Variants in FOXO3 observed in about 807,000 individuals in gnomAD.
The protein encoded by FOXO3 is forkhead box O3.
FOXO3 carries 4 observed loss-of-function variants against 41.9 expected under a neutral mutation model. The observed-to-expected ratio is 0.10, with a 90% CI of 0.05 to 0.22. The LOEUF (loss-of-function observed/expected upper bound fraction) is 0.22, where lower values mean the gene tolerates loss of function less well. Among genes scored for constraint, FOXO3 ranks in the 10% least tolerant of loss-of-function variants. The probability of loss-of-function intolerance (pLI) is 1.00; values close to 1 mark genes in which losing one functional copy is unlikely to be tolerated. For missense variants in FOXO3, 534 were observed against 906.8 expected, an observed-to-expected ratio of 0.59 and a Z score of 5.28; for synonymous variants, 318 against 389.3, an observed-to-expected ratio of 0.82 and a Z score of 2.16.
At position 108,568,460 on chromosome 6, in the gene FOXO3, G is replaced by A. The variant is rs576679546; in HGVS notation, c.621+6631G>A. On this transcript the variant is annotated intron_variant, in intron 1 of 2. Transcript: ENST00000406360. ...CTTGCTAAATGCCTTTTCTTTCAAC[G>A]CCACCTTACCCTGCCCACCCCATGG... Among the ~76,000 whole-genome samples the A allele has an allele frequency of 3.3e-5, 5 of 151,898 alleles. No homozygotes were observed. In the South Asian group the frequency reaches 8.3e-4, roughly 25 times the overall value.
chr6:108,589,651 G>GC lies in FOXO3; in HGVS notation c.621+27823dup, dbSNP rs1000503093. 1.7e-4 allele frequency among the ~76,000 whole-genome samples: 26 copies of GC among 152,206 alleles called. 1 individual carries two copies. Among genetic ancestry groups the GC allele is most frequent in the Non-Finnish European group, 4.4e-5 (3 of 68,034 alleles). On this transcript the variant is annotated intron_variant, in intron 1 of 2. Transcript: ENST00000406360. ...ACCTTAGCTTTAGTTGCCATTAAGAGCAGGAGGAGGAGTTAGGCAGGGGTG... is the reference window on the plus strand; with the variant it reads ...ACCTTAGCTTTAGTTGCCATTAAGAGCCAGGAGGAGGAGTTAGGCAGGGGTG...
chr6:108,655,992 G>T (rs1421441680), intron 1 of FOXO3, among the ~76,000 whole-genome samples: 4 of 152,136 alleles, frequency 2.6e-5, no homozygotes, highest in Admixed American at 2.0e-4. Flanking sequence ...GTCCTTTCCA[G>T]TGCTTTCCCC....
chr6:108,569,590 A>G (rs959497095), intron 1 of FOXO3, among the ~76,000 whole-genome samples: 2 of 152,194 alleles, frequency 1.3e-5, no homozygotes, highest in Admixed American at 1.3e-4. Flanking sequence ...GGAATAACAT[A>G]ATAAGCGAAG....
chr6:108,667,956 G>A (rs141011517), intron 2 of FOXO3, among the ~76,000 whole-genome samples: 316 of 152,306 alleles, frequency 2.1e-3, no homozygotes, highest in African/African-American at 7.2e-3. Flanking sequence ...AGGAGCACAT[G>A]CAACCTGAAG....
chr6:108,679,424 T>A (rs1311895191), intron 2 of FOXO3, among the ~76,000 whole-genome samples: 4 of 152,054 alleles, frequency 2.6e-5, no homozygotes, highest in Non-Finnish European at 4.4e-5. Context: ...GCTCTCCTTG[T>A]TTTAGCATGG....
chr6:108,566,472 C>T (rs1296088609), intron 1 of FOXO3, among the ~76,000 whole-genome samples: 3 of 152,136 alleles, frequency 2.0e-5, no homozygotes, highest in Non-Finnish European at 4.4e-5. Context: ...AAAAGTTTAC[C>T]ATCCATTCAA....
rs577812585 is a variant in FOXO3, at chr6:108,635,366, A to G, written c.622-28089A>G. On this transcript the variant is annotated intron_variant, in intron 1 of 2. Transcript: ENST00000406360. ...CGTGGTTGCTTCTGAGAAAGGTAGA[A>G]AAGAGATGGAATGAGGAGAGGGAAT... Among the ~76,000 whole-genome samples, 5 of 152,268 alleles carry G rather than the reference A, an allele frequency of 3.3e-5. No individual in the cohort carries two copies. The South Asian group carries it at 6.2e-4, about 19-fold the overall frequency.
chr6:108,580,768 G>A (rs1199840377), intron 1 of FOXO3, among the ~76,000 whole-genome samples: 7 of 152,198 alleles, frequency 4.6e-5, no homozygotes, highest in Non-Finnish European at 8.8e-5. Flanking sequence ...TGTGTTCTAC[G>A]TAGCTGTCAT....
intron 2 of FOXO3, among the ~76,000 whole-genome samples, chr6:108,677,634 A>G (rs145699656): frequency 4.3e-4 from 65 of 152,284 alleles, no homozygotes; most frequent in Non-Finnish European, 7.2e-4. Context: ...GGACTTGGGG[A>G]TGGGAGTCCC....
At chr6:108,622,717 T>TA (rs1270640951) in intron 1 of FOXO3, among the ~76,000 whole-genome samples, 1 of 152,026 alleles carries the variant, frequency 6.6e-6, no homozygotes, top group Non-Finnish European at 1.5e-5. Flanking sequence ...GTGCTGATCT[T>TA]ACACATCAGT....
chr6:108,622,256 C>CA (rs984779744), intron 1 of FOXO3, among the ~76,000 whole-genome samples: 13,525 of 45,480 alleles, frequency 0.3, 1,788 homozygotes, highest in African/African-American at 0.34. Context: ...AAGACTGTCT[C>CA]AAAAAAAAAA....
chr6:108,583,262 C>T (rs374829529), intron 1 of FOXO3, among the ~76,000 whole-genome samples: 6 of 152,084 alleles, frequency 3.9e-5, no homozygotes, highest in African/African-American at 7.2e-5. Context: ...TGGGGGCATT[C>T]GGTGAAAAGG....
At chr6:108,616,645 A>G (rs1006414819) in intron 1 of FOXO3, among the ~76,000 whole-genome samples, 6 of 152,098 alleles carry the variant, frequency 3.9e-5, no homozygotes, top group African/African-American at 1.4e-4. Flanking sequence ...TCACATTGCC[A>G]TATAATTTAC....
chr6:108,642,023 A>G (rs929694946), intron 1 of FOXO3, among the ~76,000 whole-genome samples: 4 of 151,948 alleles, frequency 2.6e-5, no homozygotes, highest in African/African-American at 9.7e-5. Context: ...CATTAATTCA[A>G]ATTTTGAGAG....
intron 1 of FOXO3, among the ~76,000 whole-genome samples, chr6:108,608,064 T>C (rs1015052259): frequency 1.3e-5 from 2 of 152,174 alleles, no homozygotes; most frequent in Non-Finnish European, 2.9e-5. Flanking sequence ...TGGGATCATA[T>C]AATGGTAGAG....
At chr6:108,605,406 C>T (rs1385819549) in intron 1 of FOXO3, among the ~76,000 whole-genome samples, 5 of 151,766 alleles carry the variant, frequency 3.3e-5, no homozygotes, top group African/African-American at 7.2e-5. Flanking sequence ...TGTGAGCCAC[C>T]GCGCCCAGTC....
Position 108,561,409 on chromosome 6 carries a change from G to C in FOXO3, c.201G>C (p.Glu67Asp). 1 of 1,542,646 alleles carries C rather than the reference G, an allele frequency of 6.5e-7. No individual in the cohort carries two copies. The highest frequency in any genetic ancestry group is 1.2e-5 in the South Asian group (1 of 82,908). The change falls in exon 1 of 3, where the codon GAG (glutamate) becomes GAC (aspartate). Residue 67 changes from glutamate (E) to aspartate (D), a missense_variant. Coordinates refer to ENST00000406360, the MANE Select transcript of FOXO3 (RefSeq NM_001455.4). ...AGGAGGAGGACGATGAAGACGACGA[G>C]GACGGCGGGGGACGGGCCGGCTCGG... ...IPEEEDDEDD[E>D]DGGGRAGSAM...
intron 1 of FOXO3, among the ~76,000 whole-genome samples, chr6:108,600,399 T>C (rs940889459): frequency 6.6e-6 from 1 of 151,730 alleles, no homozygotes; most frequent in South Asian, 2.1e-4. Flanking sequence ...TACAAAAAAT[T>C]AGCCGGGTGT....
intron 1 of FOXO3, among the ~76,000 whole-genome samples, chr6:108,648,390 G>T (rs1778451501): frequency 6.6e-6 from 1 of 152,182 alleles, no homozygotes; most frequent in African/African-American, 2.4e-5. Context: ...AGCTGAAAAA[G>T]ATGGTGACTA....
Sources: gnomAD v4.1 joint callset for allele counts (sites outside exome capture counted in the v4.1 genomes callset) on GRCh38, gnomAD v4.1.1 for gene constraint, MANE v1.5 for transcripts, NCBI Gene and HGNC (gene_info 2026-07-23, HGNC 2026-07-21) for gene names.